Variants in USP35 observed in about 807,000 individuals in gnomAD.
USP35 encodes ubiquitin carboxyl-terminal hydrolase 35.
A neutral mutation model predicts 83.8 loss-of-function variants in USP35; 69 were observed. The observed-to-expected ratio is 0.82, with a 90% CI of 0.68 to 1.01. The LOEUF (loss-of-function observed/expected upper bound fraction) is 1.01, where lower values mean the gene tolerates loss of function less well. USP35 is among the 50% of genes least tolerant of loss of function. The pLI, the probability that USP35 is intolerant of heterozygous loss-of-function variation, is 0.00. For missense variants in USP35, 1,503 were observed against 1,362.5 expected (o/e 1.10, Z -1.62); for synonymous variants, 714 against 589.5 (o/e 1.21, Z -3.06).
At position 78,214,071 on chromosome 11, in the gene USP35, G is replaced by GTCTT. The variant is rs1320680375; in HGVS notation, c.*260_*263dup. 1.6e-5 allele frequency: 6 copies of GTCTT among 385,578 alleles called. No individual in the cohort carries two copies. The East Asian group carries it at 2.4e-4, about 15-fold the overall frequency. 23.9% of individuals were successfully genotyped at this position (385,578 alleles called of 1,614,324 possible). On this transcript the variant is annotated 3_prime_UTR_variant, in exon 11 of 11. Coordinates refer to ENST00000529308, the MANE Select transcript of USP35 (RefSeq NM_020798.4). ...AAGCAGCCGAGATGGGCACACACGG[G>GTCTT]TCTTTGCCTCCCCCTCCTTCCCTAG...
At chr11:78,222,165 T>A in the USP35 span, 1 of 1,614,046 alleles carries the variant, frequency 6.2e-7, no homozygotes, top group Non-Finnish European at 8.5e-7. Flanking sequence ...GATGACGGTG[T>A]TGTTCCTCAG....
chr11:78,198,151 G>C, intron 3 of USP35, 83 bp downstream of exon 3: 1 of 1,581,514 alleles, frequency 6.3e-7, no homozygotes, highest in East Asian at 2.2e-5. Flanking sequence ...TGGGTGGGCC[G>C]CTGGGCTAGA....
rs2450138 is a variant in USP35, at chr11:78,213,824, C to T, written c.*11C>T. On this transcript the variant is annotated 3_prime_UTR_variant, in exon 11 of 11. Transcript: ENST00000529308. ...AGACTGGTCTTCTAATGTGAACCTG[C>T]TGCCAACCTGACCCCTTCCCTCCAG... 286,610 of 1,544,178 alleles carry T rather than the reference C, an allele frequency of 0.19. 29,403 individuals carry two copies. Among genetic ancestry groups the T allele is most frequent in the East Asian group, 0.41 (15,976 of 39,114 alleles).
chr11:78,210,130 C>T lies in USP35; in HGVS notation c.2275C>T (p.Arg759Cys), dbSNP rs374889758. The change falls in exon 10 of 11, where the codon CGC (arginine) becomes TGC (cysteine). Residue 759 changes from arginine (R) to cysteine (C), a missense_variant. Physicochemically the swap from Arg to Cys is radical, Grantham distance 180. Transcript: ENST00000529308. ...GERTCGSEGSRSVLDLVNYFL... is the reference protein window; with the variant it reads ...GERTCGSEGSCSVLDLVNYFL... ...GCGGACATGTGGCTCTGAGGGCTCC[C>T]GCTCCGTCCTGGACCTGGTTAACTA... is the stretch of plus-strand genomic sequence containing the variant. The T allele has an allele frequency of 6.0e-5, 97 of 1,613,598 alleles. No homozygotes were observed. The East Asian group carries it at 8.2e-4, about 14-fold the overall frequency.
At chr11:78,202,982 C>G (rs993500146) in intron 6 of USP35, among the ~76,000 whole-genome samples, 1 of 152,108 alleles carries the variant, frequency 6.6e-6, no homozygotes, top group Non-Finnish European at 1.5e-5. Context: ...TAGGAGAATG[C>G]TGTAATGAAG....
the USP35 span, among the ~76,000 whole-genome samples, chr11:78,224,091 A>G: frequency 6.6e-6 from 1 of 152,192 alleles, no homozygotes; most frequent in African/African-American, 2.4e-5. Context: ...CAAAAAATAA[A>G]AAATAAAAAA....
chr11:78,230,073 A>T, the USP35 span, among the ~76,000 whole-genome samples: 1 of 152,194 alleles, frequency 6.6e-6, no homozygotes, highest in Non-Finnish European at 1.5e-5. Flanking sequence ...ACTGTGTCTT[A>T]CTCATTTTTC....
At chr11:78,200,846 T>G (rs768750648) in intron 6 of USP35, 38 bp downstream of exon 6, 1 of 1,562,320 alleles carries the variant, frequency 6.4e-7, no homozygotes, top group Non-Finnish European at 8.7e-7. Context: ...TGCCCCACTC[T>G]GACAAAGGTA....
the USP35 span, among the ~76,000 whole-genome samples, chr11:78,223,901 C>G: frequency 6.6e-6 from 1 of 151,900 alleles, no homozygotes; most frequent in African/African-American, 2.4e-5. Context: ...GCCAACATGG[C>G]AAAACCTCCT....
Position 78,213,703 on chromosome 11 carries a change from C to T in USP35, c.2947C>T (p.Pro983Ser), listed in dbSNP as rs555415218. ...CTACATCTCTGCACTCCCCACATCT[C>T]CGCACTGGGGGAGGGGCTTTGATGA... Reference protein sequence around the residue: ...AAYISALPTSPHWGRGFDEDK... With the variant: ...AAYISALPTSSHWGRGFDEDK... The change falls in exon 11 of 11, where the codon CCG (proline) becomes TCG (serine). Residue 983 changes from proline to serine, a missense_variant. Transcript: ENST00000529308. The T allele has an allele frequency of 2.0e-6, 3 of 1,531,820 alleles. No individual in the cohort carries two copies. The South Asian group carries it at 3.9e-5, about 20-fold the overall frequency. The allele number at this position is 1,531,820 out of a possible 1,614,324, so 94.9% of individuals were successfully genotyped here. A position where few individuals can be genotyped will look rare whatever the true frequency, so the allele number is the denominator to read the frequency against.
At chr11:78,195,344 G>A (rs1863112848) in intron 1 of USP35, among the ~76,000 whole-genome samples, 1 of 152,112 alleles carries the variant, frequency 6.6e-6, no homozygotes, top group Admixed American at 6.5e-5. Context: ...TGGTGGTCGT[G>A]GGGGCCTCAG....
At chr11:78,191,043 T>C (rs1023659064) in intron 1 of USP35, among the ~76,000 whole-genome samples, 4 of 152,134 alleles carry the variant, frequency 2.6e-5, no homozygotes, top group Admixed American at 2.6e-4. Flanking sequence ...GAATGGTGCT[T>C]ACCGTGTAAT....
intron 2 of USP35, 106 bp from the exon 3 acceptor site, chr11:78,197,830 C>T: frequency 6.9e-7 from 1 of 1,459,646 alleles, no homozygotes; most frequent in Non-Finnish European, 9.1e-7. Flanking sequence ...CTGCTGTGCT[C>T]TTCCTAGAGG....
At chr11:78,221,757 A>G in the USP35 span, 4 of 1,613,324 alleles carry the variant, frequency 2.5e-6, no homozygotes, top group Non-Finnish European at 3.4e-6. Context: ...CAGTACTGGG[A>G]GGAGCTGGAG....
intron 9 of USP35, 149 bp from the exon 10 acceptor site, chr11:78,209,299 C>T (rs1049931329): frequency 4.9e-5 from 41 of 840,466 alleles, no homozygotes; most frequent in Admixed American, 4.4e-4. Flanking sequence ...TGAGCATGTA[C>T]GTGGATGTGT....
In USP35 at chr11:78,209,518, C is replaced by T; in HGVS notation, c.1663C>T (p.Pro555Ser). 3 of 1,614,058 alleles carry T rather than the reference C, an allele frequency of 1.9e-6. No individual in the cohort carries two copies. Among genetic ancestry groups the T allele is most frequent in the South Asian group, 2.2e-5 (2 of 91,076 alleles). The change falls in exon 10 of 11, where the codon CCC (proline) becomes TCC (serine). Residue 555 changes from proline to serine, a missense_variant. Pro to Ser is a moderately conservative substitution (Grantham distance 74). Coordinates refer to ENST00000529308, the MANE Select transcript of USP35 (RefSeq NM_020798.4). ...KLKQSSSPSP[P>S]EEPPAPSSTS... ...CAAGCAGTCCAGCTCGCCCTCTCCG[C>T]CCGAGGAGCCCCCGGCCCCAAGTTC...
At chr11:78,226,603 TG>T in the USP35 span, 10 of 257,612 alleles carry the variant, frequency 3.9e-5, no homozygotes, top group African/African-American at 9.3e-5. Flanking sequence ...TGACTTGGCT[TG>T]GGGGGGCGGG....
intron 1 of USP35, among the ~76,000 whole-genome samples, chr11:78,195,072 G>A (rs563308313): frequency 1.1e-4 from 16 of 152,280 alleles, no homozygotes; most frequent in African/African-American, 3.4e-4. Flanking sequence ...GTGACAGGCC[G>A]GTGTGGGCTG....
chr11:78,198,188 A>T (rs1590899365), intron 3 of USP35, 120 bp downstream of exon 3: 1 of 1,427,308 alleles, frequency 7.0e-7, no homozygotes, highest in Non-Finnish European at 9.6e-7. Context: ...CCAGGCCCTC[A>T]TGTGTGTTCC....
Sources: allele counts gnomAD v4.1 joint callset (sites outside exome capture counted in the v4.1 genomes callset), GRCh38; gene constraint gnomAD v4.1.1; transcripts MANE v1.5; gene names NCBI Gene and HGNC (gene_info 2026-07-23, HGNC 2026-07-21).